Variants in SCNN1B observed in about 807,000 individuals in gnomAD.
The protein encoded by SCNN1B is sodium channel epithelial 1 subunit beta.
SCNN1B carries 46 observed loss-of-function variants against 65.3 expected under a neutral mutation model. That is an observed-to-expected ratio of 0.70 (90% confidence interval 0.56 to 0.90). SCNN1B has a LOEUF of 0.90. Among genes scored for constraint, SCNN1B ranks in the 40% least tolerant of loss-of-function variants. The pLI is 0.00. For missense variants in SCNN1B, 751 were observed against 830.5 expected, an observed-to-expected ratio of 0.90 and a Z score of 1.18; for synonymous variants, 349 against 330.6, an observed-to-expected ratio of 1.06 and a Z score of -0.60.
chr16:23,377,958 A>C (rs1269429727), intron 10 of SCNN1B, among the ~76,000 whole-genome samples: 2 of 152,302 alleles, frequency 1.3e-5, no homozygotes, highest in East Asian at 3.9e-4. Context: ...ATAAATAAAC[A>C]GGTTATGGGA....
Position 23,377,340 on chromosome 16 carries a change from A to T in SCNN1B, c.1358A>T (p.Tyr453Phe). 8 of 1,614,228 alleles carry T rather than the reference A, an allele frequency of 5.0e-6. No homozygotes were observed. Among genetic ancestry groups the T allele is most frequent in the Non-Finnish European group, 6.8e-6 (8 of 1,180,034 alleles). ...MCKESCNDTQ[Y>F]KMTISMADWP... Reference sequence around the variant, plus strand: ...GCCTTCTCTTTCAGTGACACCCAGTACAAGATGACCATCTCCATGGCTGAC... The same window carrying T: ...GCCTTCTCTTTCAGTGACACCCAGTTCAAGATGACCATCTCCATGGCTGAC... The change falls in exon 10 of 13, where the codon TAC becomes TTC. Residue 453 changes from tyrosine to phenylalanine, a missense_variant. Physicochemically the swap from Tyr to Phe is conservative, Grantham distance 22. Coordinates refer to ENST00000343070, the MANE Select transcript of SCNN1B (RefSeq NM_000336.3).
Position 23,377,147 on chromosome 16 carries a change from T to G in SCNN1B, c.1271-18T>G. 1 of 1,612,642 alleles carries G rather than the reference T, an allele frequency of 6.2e-7. No homozygotes were observed. Among genetic ancestry groups the G allele is most frequent in the Non-Finnish European group, 8.5e-7 (1 of 1,179,342 alleles). ...AGCCCCCTTAAACCTCTTGGCCGCC[T>G]TTCTGTCTCCTGCGCAGCCCATTGC... On this transcript the variant is annotated intron_variant, in intron 8 of 12. Transcript: ENST00000343070.
At chr16:23,375,671 G>T in intron 7 of SCNN1B, 67 bp from the exon 8 acceptor site, 1 of 1,129,136 alleles carries the variant, frequency 8.9e-7, no homozygotes, top group Non-Finnish European at 1.4e-6. Context: ...GACACCCCTG[G>T]TGCTGGAATG....
intron 4 of SCNN1B, among the ~76,000 whole-genome samples, chr16:23,361,604 T>A (rs956044004): frequency 3.3e-5 from 5 of 152,260 alleles, no homozygotes; most frequent in African/African-American, 4.8e-5. Flanking sequence ...TTCCTTGTTA[T>A]CTATTCTCTT....
Position 23,343,506 on chromosome 16 carries a change from G to GGAAA in SCNN1B, c.-8-5085_-8-5082dup, listed in dbSNP as rs1491197289. Among the ~76,000 whole-genome samples, 3 of 82,256 alleles carry GGAAA rather than the reference G, an allele frequency of 3.6e-5. No homozygotes were observed. In the East Asian group the frequency reaches 1.1e-3, roughly 30 times the overall value. The allele number at this position is 82,256 out of a possible 152,430, so 54.0% of individuals were successfully genotyped here. Reference sequence around the variant, plus strand: ...AGGAAGGAAGGAAGGAAGGAAGGAAGGAAAAGGAAGGAAGGAAGGAAGAAA... The same window carrying GGAAA: ...AGGAAGGAAGGAAGGAAGGAAGGAAGGAAAGAAAAGGAAGGAAGGAAGGAAGAAA... On this transcript the variant is annotated intron_variant, in intron 1 of 12. Transcript: ENST00000343070.
chr16:23,279,431 CT>C (rs1159222570), intron 1 of SCNN1B, among the ~76,000 whole-genome samples: 1 of 149,164 alleles, frequency 6.7e-6, no homozygotes, highest in African/African-American at 2.6e-5. Flanking sequence ...ATGGAGAAAA[CT>C]TACACAAGGA....
chr16:23,350,442 G>A (rs1167172384), intron 2 of SCNN1B, among the ~76,000 whole-genome samples: 1 of 152,170 alleles, frequency 6.6e-6, no homozygotes, highest in Admixed American at 6.6e-5. Flanking sequence ...TGGAGAGACA[G>A]GGAGTCAGTC....
chr16:23,288,130 G>A (rs1397693153), intron 2 of SCNN1B, among the ~76,000 whole-genome samples: 3 of 152,002 alleles, frequency 2.0e-5, no homozygotes, highest in African/African-American at 7.2e-5. Flanking sequence ...TCCAGCCTGT[G>A]TGACAAAGTG....
intron 1 of SCNN1B, among the ~76,000 whole-genome samples, chr16:23,345,496 C>T (rs986190788): frequency 2.0e-5 from 3 of 152,198 alleles, no homozygotes; most frequent in Admixed American, 6.5e-5. Context: ...AATTTCTCTC[C>T]ATCTCGTGCC....
intron 1 of SCNN1B, among the ~76,000 whole-genome samples, chr16:23,280,350 G>A (rs2141966098): frequency 6.6e-6 from 1 of 151,886 alleles, no homozygotes; most frequent in Non-Finnish European, 1.5e-5. Context: ...TCAGCCTCTT[G>A]AGTAGCTGGG....
intron 1 of SCNN1B, among the ~76,000 whole-genome samples, chr16:23,333,112 AGGGAGGGAGGGAGGG>A (rs1961852537): frequency 2.3e-5 from 2 of 85,540 alleles, no homozygotes; most frequent in Non-Finnish European, 4.0e-5. Context: ...GAAGGAAGGG[AGGGAGGGAGGGAGGG>A]AGGGAGGGAG....
At chr16:23,358,287 A>G (rs1962461601) in intron 4 of SCNN1B, 1 of 152,240 alleles carries the variant, frequency 6.6e-6, no homozygotes, top group Non-Finnish European at 1.5e-5. Flanking sequence ...CTGATGGGCC[A>G]CTAAAACCCC....
chr16:23,316,819 C>T (rs1380611202), intron 1 of SCNN1B, among the ~76,000 whole-genome samples: 1 of 152,008 alleles, frequency 6.6e-6, no homozygotes, highest in Non-Finnish European at 1.5e-5. Flanking sequence ...TCACCATCTC[C>T]TCCATCATCA....
intron 1 of SCNN1B, among the ~76,000 whole-genome samples, chr16:23,343,957 T>C (rs886079826): frequency 1.3e-5 from 2 of 152,198 alleles, no homozygotes; most frequent in African/African-American, 2.4e-5. Flanking sequence ...CATCATAAAG[T>C]TGTTTGCAGC....
At chr16:23,328,536 G>C (rs1961744129) in intron 1 of SCNN1B, among the ~76,000 whole-genome samples, 2 of 152,136 alleles carry the variant, frequency 1.3e-5, no homozygotes, top group Non-Finnish European at 2.9e-5. Flanking sequence ...GTCTGTCTTT[G>C]CTACAAGAGG....
At position 23,378,756 on chromosome 16, in the gene SCNN1B, C is replaced by T. The variant is rs1019219091; in HGVS notation, c.1455C>T (p.Ile485=). 1 of 1,614,124 alleles carries T rather than the reference C, an allele frequency of 6.2e-7. No homozygotes were observed. The change falls in exon 11 of 13, where the codon ATC becomes ATT. Residue 485 remains isoleucine (I), a synonymous_variant. Coordinates refer to ENST00000343070, the MANE Select transcript of SCNN1B (RefSeq NM_000336.3). ...AGGAGCGGGACCAAAGCACCAATATCACCCTGAGCAGGTGAGCCTGAGCCT... is the reference window on the plus strand; with the variant it reads ...AGGAGCGGGACCAAAGCACCAATATTACCCTGAGCAGGTGAGCCTGAGCCT... ...LSQERDQSTN[I]TLSRKGIVKL... is the part of the protein sequence containing the mutation.
At chr16:23,296,772 C>T (rs901350046) in intron 2 of SCNN1B, among the ~76,000 whole-genome samples, 3 of 151,990 alleles carry the variant, frequency 2.0e-5, no homozygotes, top group Non-Finnish European at 2.9e-5. Flanking sequence ...GAGGCCAAGG[C>T]GGGCAGATCA....
chr16:23,378,877 A>G, intron 11 of SCNN1B, 110 bp downstream of exon 11: 1 of 1,053,636 alleles, frequency 9.5e-7, no homozygotes, highest in Admixed American at 1.9e-5. Context: ...CATGGGTCAG[A>G]CCGAGGAGCA....
intron 4 of SCNN1B, among the ~76,000 whole-genome samples, chr16:23,359,693 G>T (rs1016342845): frequency 6.6e-6 from 1 of 151,810 alleles, no homozygotes; most frequent in Admixed American, 6.6e-5. Flanking sequence ...AATGTGAGCC[G>T]CATGTGGACC....
Sources: gnomAD v4.1 joint callset for allele counts (sites outside exome capture counted in the v4.1 genomes callset) on GRCh38, gnomAD v4.1.1 for gene constraint, MANE v1.5 for transcripts, NCBI Gene and HGNC (gene_info 2026-07-23, HGNC 2026-07-21) for gene names.